The following TGFBR3 variants were observed in gnomAD, a reference collection of about 807,000 sequenced individuals.
TGFBR3 encodes transforming growth factor beta receptor 3.
A neutral mutation model predicts 87.9 loss-of-function variants in TGFBR3; 46 were observed. That is an observed-to-expected ratio of 0.52 (90% CI 0.41 to 0.67). The LOEUF (loss-of-function observed/expected upper bound fraction) is 0.67, where lower values mean the gene tolerates loss of function less well. Among genes scored for constraint, TGFBR3 ranks in the 30% least tolerant of loss-of-function variants. TGFBR3 has a pLI of 0.00. For missense variants in TGFBR3, 866 were observed against 1,041.9 expected (o/e 0.83, Z 2.32); for synonymous variants, 381 against 391.6 (o/e 0.97, Z 0.32).
In TGFBR3 at chr1:91,717,700, AAC is replaced by A. The variant is rs1491365384; in HGVS notation, c.1567-994_1567-993del. ...GATGGGAAGAAAATTAAAAAAAAAA[AAC>A]AAACTGCCTTTCTCTCTGTACCAGG... On this transcript the variant is annotated intron_variant, in intron 10 of 16. Transcript: ENST00000212355. 4.5e-4 allele frequency among the ~76,000 whole-genome samples: 64 copies of A among 142,762 alleles called. 2 individuals are homozygous for A. The highest frequency in any genetic ancestry group is 2.4e-4 in the South Asian group (1 of 4,172). The allele number at this position is 142,762 out of a possible 152,430, so 93.7% of individuals were successfully genotyped here. A position where few individuals can be genotyped will look rare whatever the true frequency, so the allele number is the denominator to read the frequency against.
intron 2 of TGFBR3, among the ~76,000 whole-genome samples, chr1:91,848,783 A>G (rs1174379580): frequency 6.6e-6 from 1 of 152,210 alleles, no homozygotes; most frequent in Non-Finnish European, 1.5e-5. Context: ...GAGAAATGAA[A>G]AGAACAAGAC....
intron 3 of TGFBR3, among the ~76,000 whole-genome samples, chr1:91,765,646 T>C (rs1674152351): frequency 6.6e-6 from 1 of 152,066 alleles, no homozygotes; most frequent in Admixed American, 6.6e-5. Flanking sequence ...AAATAGAAAA[T>C]GTTTGTTATC....
chr1:91,905,435 T>C (rs1009738030), intron 1 of TGFBR3, among the ~76,000 whole-genome samples: 2 of 152,176 alleles, frequency 1.3e-5, no homozygotes, highest in African/African-American at 4.8e-5. Flanking sequence ...TTTTTGTTTT[T>C]GTTTTTGTTT....
rs193078696 is a variant in TGFBR3, at chr1:91,705,287, C to T, written c.2287+3376G>A. Reference sequence around the variant, plus strand: ...TCCCCCAGGCTGGAGTACAGTGGCGCGATCTTGGCTCACTGCAACCTCTGC... The same window carrying T: ...TCCCCCAGGCTGGAGTACAGTGGCGTGATCTTGGCTCACTGCAACCTCTGC... On this transcript the variant is annotated intron_variant, in intron 14 of 16. Transcript: ENST00000212355. Among the ~76,000 whole-genome samples the T allele has an allele frequency of 1.3e-3, 200 of 149,426 alleles. 1 individual carries two copies. The highest frequency in any genetic ancestry group is 4.5e-3 in the African/African-American group (181 of 40,416).
At chr1:91,810,274 G>C (rs1429544389) in intron 2 of TGFBR3, among the ~76,000 whole-genome samples, 1 of 152,098 alleles carries the variant, frequency 6.6e-6, no homozygotes, top group African/African-American at 2.4e-5. Context: ...GCCCAGGCTG[G>C]TCTCAAACTC....
chr1:91,888,895 GT>G (rs563194458), upstream of TGFBR3, among the ~76,000 whole-genome samples: 7 of 151,836 alleles, frequency 4.6e-5, no homozygotes, highest in Non-Finnish European at 1.0e-4. Context: ...GTTTGTTTTT[GT>G]TTTGAGACAG....
rs574581101 is a variant in TGFBR3, at chr1:91,772,645, A to G, written c.247-13895T>C. Among the ~76,000 whole-genome samples the G allele has an allele frequency of 2.1e-4, 32 of 152,322 alleles. 1 individual carries two copies. Among genetic ancestry groups the G allele is most frequent in the African/African-American group, 7.2e-4 (30 of 41,574 alleles). On this transcript the variant is annotated intron_variant, in intron 3 of 16. Transcript: ENST00000212355. ...ACATTATTTTATGTAAAAGTCTGTA[A>G]GTTCTATCCATAATTCTCTACTGTG...
chr1:91,890,051 G>C (rs1329911618), upstream of TGFBR3, among the ~76,000 whole-genome samples: 1 of 152,164 alleles, frequency 6.6e-6, no homozygotes, highest in South Asian at 2.1e-4. Context: ...CTGCATTCAA[G>C]CTACAGTATT....
intron 1 of TGFBR3, among the ~76,000 whole-genome samples, chr1:91,885,487 CT>C (rs1455576960): frequency 6.6e-6 from 1 of 152,204 alleles, no homozygotes; most frequent in Non-Finnish European, 1.5e-5. Flanking sequence ...CGGCAATTGA[CT>C]GCGAACCCAC....
At chr1:91,713,482 T>G (rs2100763538) in intron 12 of TGFBR3, among the ~76,000 whole-genome samples, 1 of 152,274 alleles carries the variant, frequency 6.6e-6, no homozygotes, top group Non-Finnish European at 1.5e-5. Flanking sequence ...TTGACTAAAT[T>G]TAGGATCAAA....
intron 2 of TGFBR3, among the ~76,000 whole-genome samples, chr1:91,815,735 CTAAG>C (rs1042560507): frequency 9.0e-4 from 137 of 152,290 alleles, no homozygotes; most frequent in African/African-American, 3.2e-3. Context: ...TCTATAAACT[CTAAG>C]TGAGATCCCT....
intron 14 of TGFBR3, among the ~76,000 whole-genome samples, chr1:91,707,674 C>T (rs1183780931): frequency 1.3e-5 from 2 of 152,212 alleles, no homozygotes; most frequent in Admixed American, 6.5e-5. Context: ...CAGCCTGTAG[C>T]TCTAATCCTG....
At chr1:91,774,482 T>C (rs994990353) in intron 3 of TGFBR3, among the ~76,000 whole-genome samples, 1 of 152,192 alleles carries the variant, frequency 6.6e-6, no homozygotes, top group Admixed American at 6.5e-5. Context: ...TACTGAAAGA[T>C]GAGCAGGTTT....
At chr1:91,903,338 C>CAAAA (rs58672104) in intron 1 of TGFBR3, among the ~76,000 whole-genome samples, 1,492 of 50,462 alleles carry the variant, frequency 0.03, 284 homozygotes, top group East Asian at 0.05. Context: ...GATTCTGCCT[C>CAAAA]AAAAAAAAAA....
chr1:91,876,665 A>C (rs577617099), intron 1 of TGFBR3, among the ~76,000 whole-genome samples: 37 of 152,178 alleles, frequency 2.4e-4, no homozygotes, highest in Non-Finnish European at 4.6e-4. Context: ...CCAAAAACAC[A>C]AGCTGGGTCC....
intron 1 of TGFBR3, among the ~76,000 whole-genome samples, chr1:91,873,789 A>C (rs977721229): frequency 6.6e-6 from 1 of 152,184 alleles, no homozygotes; most frequent in Non-Finnish European, 1.5e-5. Flanking sequence ...TCTACCAAAA[A>C]TACAAAAAAA....
intron 3 of TGFBR3, among the ~76,000 whole-genome samples, chr1:91,776,238 C>T (rs1674562829): frequency 6.6e-6 from 1 of 152,258 alleles, no homozygotes; most frequent in African/African-American, 2.4e-5. Context: ...GGAGAACTCA[C>T]TATCCACTGT....
intron 14 of TGFBR3, among the ~76,000 whole-genome samples, chr1:91,702,490 C>G (rs1671655820): frequency 6.6e-6 from 1 of 151,526 alleles, no homozygotes; most frequent in Non-Finnish European, 1.5e-5. Context: ...ACTAAAAATA[C>G]AAAAAATAAA....
At chr1:91,762,229 G>A (rs12406300) in intron 3 of TGFBR3, among the ~76,000 whole-genome samples, 29,216 of 152,014 alleles carry the variant, frequency 0.19, 3,117 homozygotes, top group East Asian at 0.45. Context: ...GAATGCATGT[G>A]TGCACCCTCT....
Sources: gnomAD v4.1 joint callset for allele counts (sites outside exome capture counted in the v4.1 genomes callset) on GRCh38, gnomAD v4.1.1 for gene constraint, MANE v1.5 for transcripts, NCBI Gene and HGNC (gene_info 2026-07-23, HGNC 2026-07-21) for gene names.